The following LUC7L variants were observed in gnomAD, a reference collection of about 807,000 sequenced individuals.
LUC7L encodes the protein LUC7 like, also known as putative RNA-binding protein Luc7-like 1.
LUC7L carries 29 observed loss-of-function variants against 51.1 expected under a neutral mutation model. That is an observed-to-expected ratio of 0.57 (90% CI 0.42 to 0.77). The LOEUF (loss-of-function observed/expected upper bound fraction) is 0.77. Among genes scored for constraint, LUC7L ranks in the 30% least tolerant of loss-of-function variants. The probability of loss-of-function intolerance (pLI) is 0.00; values close to 1 mark genes in which losing one functional copy is unlikely to be tolerated. For synonymous variants in LUC7L, 181 were observed against 180.7 expected (o/e 1.00, Z -0.01); for missense variants, 403 against 511.9 (o/e 0.79, Z 2.05).
intron 2 of LUC7L, among the ~76,000 whole-genome samples, chr16:223,328 G>T (rs182102512): frequency 6.6e-6 from 1 of 151,998 alleles, no homozygotes; most frequent in Non-Finnish European, 1.5e-5. Flanking sequence ...CAGCCTGAGC[G>T]ACAGAGCGAG....
chr16:216,615 C>T (rs1444419022), intron 3 of LUC7L, among the ~76,000 whole-genome samples: 3 of 150,478 alleles, frequency 2.0e-5, no homozygotes, highest in Admixed American at 6.6e-5. Flanking sequence ...CTCCTGAACT[C>T]GTGATCTGCC....
chr16:190,498 GA>G (rs751203308), intron 8 of LUC7L, 42 bp downstream of exon 8: 73 of 1,580,240 alleles, frequency 4.6e-5, no homozygotes, highest in Admixed American at 1.0e-4. Context: ...AATGCTTATG[GA>G]AAAAAAAATT....
At chr16:219,192 C>T (rs150585535) in intron 3 of LUC7L, among the ~76,000 whole-genome samples, 26 of 151,812 alleles carry the variant, frequency 1.7e-4, no homozygotes, top group African/African-American at 6.3e-4. Context: ...AGATCGAGAC[C>T]AGCCTGGCCA....
At chr16:224,680 A>C (rs1226241220) in intron 2 of LUC7L, among the ~76,000 whole-genome samples, 1 of 151,210 alleles carries the variant, frequency 6.6e-6, no homozygotes, top group Non-Finnish European at 1.5e-5. Context: ...AAATACAAAA[A>C]AAATTAGCCA....
At chr16:199,421 C>G (rs748228360) in intron 5 of LUC7L, among the ~76,000 whole-genome samples, 183 bp from the exon 6 acceptor site, 2 of 152,146 alleles carry the variant, frequency 1.3e-5, no homozygotes, top group Non-Finnish European at 2.9e-5. Flanking sequence ...TTAAGAAACG[C>G]GGCCAGGCAC....
intron 3 of LUC7L, among the ~76,000 whole-genome samples, chr16:211,942 G>C (rs779003364): frequency 9.9e-5 from 15 of 152,202 alleles, no homozygotes; most frequent in Non-Finnish European, 2.1e-4. Flanking sequence ...AGTCAGAACT[G>C]TCACAGCAGA....
intron 6 of LUC7L, among the ~76,000 whole-genome samples, chr16:196,916 T>C (rs2049164955): frequency 6.7e-6 from 1 of 149,716 alleles, no homozygotes; most frequent in Admixed American, 6.6e-5. Flanking sequence ...CTTTTTTTTT[T>C]TTTTTTTTTG....
At chr16:216,167 A>T (rs1323503044) in intron 3 of LUC7L, among the ~76,000 whole-genome samples, 1 of 147,932 alleles carries the variant, frequency 6.8e-6, no homozygotes, top group Non-Finnish European at 1.5e-5. Flanking sequence ...ACGCCCGGCT[A>T]ATTTTCAATT....
chr16:227,119 A>G (rs916762412), intron 2 of LUC7L, 123 bp downstream of exon 2: 1 of 716,250 alleles, frequency 1.4e-6, no homozygotes, highest in African/African-American at 1.8e-5. Flanking sequence ...AACACCTGCC[A>G]TAATTAAGCC....
At chr16:190,754 C>T in intron 7 of LUC7L, 184 bp from the exon 8 acceptor site, 1 of 597,480 alleles carries the variant, frequency 1.7e-6, no homozygotes, top group Non-Finnish European at 3.0e-6. Context: ...GTGGCGGGTG[C>T]CTGTAATCCC....
chr16:203,779 G>C lies in LUC7L; in HGVS notation c.510+2225C>G, dbSNP rs552042242. ...CACCTGTAATCCCAGCACTTTGAGA[G>C]GCCAAGGCAGGCGGATCATGAGGTC... On this transcript the variant is annotated intron_variant, in intron 5 of 9. Coordinates refer to ENST00000293872, the MANE Select transcript of LUC7L (RefSeq NM_201412.3). 1.4e-3 allele frequency among the ~76,000 whole-genome samples: 214 copies of C among 152,018 alleles called. 2 individuals are homozygous for C. The highest frequency in any genetic ancestry group is 5.0e-3 in the African/African-American group (207 of 41,472).
chr16:192,948 C>T lies in LUC7L; in HGVS notation c.755G>A (p.Arg252Gln), dbSNP rs575252955. ...TCACCTCCTGCTCAGACGCTCCTCC[C>T]GTTCCCTCTCCTCTCTCCTCCTCAA... ...DRLRRREERE[R>Q]EERLSRRSGS... The change falls in exon 7 of 10, where the codon CGG (arginine) becomes CAG (glutamine). Residue 252 changes from arginine to glutamine, a missense_variant. Physicochemically the swap from Arg to Gln is conservative, Grantham distance 43. Around this residue, in one of 3 missense-constraint regions of LUC7L, gnomAD observed 206 missense variants for 218.3 expected, o/e 0.94. Coordinates refer to ENST00000293872, the MANE Select transcript of LUC7L (RefSeq NM_201412.3). 3 of 1,613,288 alleles carry T rather than the reference C, an allele frequency of 1.9e-6. No homozygotes were observed. Among genetic ancestry groups the T allele is most frequent in the East Asian group, 2.2e-5 (1 of 44,876 alleles).
chr16:227,645 T>C, intron 1 of LUC7L: 1 of 1,137,560 alleles, frequency 8.8e-7, no homozygotes, highest in Non-Finnish European at 1.1e-6. Context: ...CATGTGGCAA[T>C]GAGACTGCAA....
Position 220,704 on chromosome 16 carries a change from A to G in LUC7L, c.200T>C (p.Leu67Pro). Residue 67 changes from leucine (L) to proline (P), a missense_variant, in exon 3 of 10, where the codon CTC becomes CCC. Physicochemically the swap from Leu to Pro is moderately conservative, Grantham distance 98. Transcript: ENST00000293872. ...GECTKIHDLA[L>P]RADYEIASKE... is the part of the protein sequence containing the mutation. ...ACTTGCAATCTCATAATCTGCTCGG[A>G]GGGCCAAGTCGTGGATTTTGGTACA... 6.2e-7 allele frequency: 1 copy of G among 1,614,094 alleles called. No homozygotes were observed. Among genetic ancestry groups the G allele is most frequent in the Non-Finnish European group, 8.5e-7 (1 of 1,179,990 alleles).
intron 3 of LUC7L, among the ~76,000 whole-genome samples, chr16:219,699 A>C (rs2049911798): frequency 6.6e-6 from 1 of 151,714 alleles, no homozygotes. Flanking sequence ...ATGGAGAAAC[A>C]CCATCTCTAC....
Position 208,187 on chromosome 16 carries a change from G to A in LUC7L, c.257C>T (p.Ala86Val). ...KERDLFFELD[A>V]MDHLESFIAE... ...AATAAAGGACTCCAAGTGATCCATT[G>A]CCTAGCACGGGAAAAGCACAGCGCT... The change falls in exon 4 of 10, where the codon GCA becomes GTA. Residue 86 changes from alanine (A) to valine (V), a missense_variant and splice_region_variant. Ala to Val is a moderately conservative substitution (Grantham distance 64, BLOSUM62 0). Coordinates refer to ENST00000293872, the MANE Select transcript of LUC7L (RefSeq NM_201412.3). 2 of 1,603,512 alleles carry A rather than the reference G, an allele frequency of 1.2e-6. No individual in the cohort carries two copies. The highest frequency in any genetic ancestry group is 1.7e-6 in the Non-Finnish European group (2 of 1,170,848).
Position 206,052 on chromosome 16 carries a change from C to T in LUC7L, c.462G>A (p.Lys154=). The T allele has an allele frequency of 6.2e-7, 1 of 1,613,786 alleles. No individual in the cohort carries two copies. Among genetic ancestry groups the T allele is most frequent in the Non-Finnish European group, 8.5e-7 (1 of 1,179,950 alleles). ...GAACTTTTTCCACTTCCATAAGAAT[C>T]TTCTGGGATTCATCCACATTACCTT... is the stretch of plus-strand genomic sequence containing the variant. ...GAEGNVDESQ[K]ILMEVEKVRA... Residue 154 remains lysine (K), a synonymous_variant, in exon 5 of 10, where the codon AAG becomes AAA. Transcript: ENST00000293872.
At chr16:215,387 G>A (rs190749867) in intron 3 of LUC7L, among the ~76,000 whole-genome samples, 32 of 152,170 alleles carry the variant, frequency 2.1e-4, no homozygotes, top group African/African-American at 5.8e-4. Flanking sequence ...TTGGGAGGCC[G>A]AGGCGAATGG....
intron 5 of LUC7L, 50 bp downstream of exon 5, chr16:205,954 C>T (rs767339961): frequency 1.3e-6 from 2 of 1,575,970 alleles, no homozygotes; most frequent in South Asian, 1.2e-5. Flanking sequence ...ACGGTCAACG[C>T]TGCCAAATTA....
Sources: allele counts gnomAD v4.1 joint callset (sites outside exome capture counted in the v4.1 genomes callset), GRCh38; gene constraint gnomAD v4.1.1; regional missense constraint gnomAD v4.1.1; transcripts MANE v1.5; gene names NCBI Gene and HGNC (gene_info 2026-07-23, HGNC 2026-07-21).